The following PTPRD variants were observed in gnomAD, a reference collection of about 807,000 sequenced individuals.
PTPRD encodes protein tyrosine phosphatase receptor type D.
PTPRD carries 34 observed loss-of-function variants against 214.5 expected under a neutral mutation model. The observed-to-expected ratio is 0.16, with a 90% CI of 0.12 to 0.21. PTPRD has a LOEUF of 0.21. Among genes scored for constraint, PTPRD ranks in the 10% least tolerant of loss-of-function variants. PTPRD has a pLI of 1.00. For synonymous variants in PTPRD, 1,128 were observed against 845.7 expected (o/e 1.33, Z -5.79); for missense variants, 2,545 against 2,398.7 (o/e 1.06, Z -1.27).
chr9:9,614,961 A>G (rs1287553985), intron 7 of PTPRD, among the ~76,000 whole-genome samples: 1 of 152,142 alleles, frequency 6.6e-6, no homozygotes, highest in Non-Finnish European at 1.5e-5. Flanking sequence ...AGTGAAGGTG[A>G]TGTTAAGCTT....
chr9:9,160,239 A>G (rs571200757), intron 10 of PTPRD, among the ~76,000 whole-genome samples: 1 of 152,304 alleles, frequency 6.6e-6, no homozygotes, highest in African/African-American at 2.4e-5. Context: ...GAAATTATTA[A>G]CAAAGTGAAG....
chr9:10,210,675 A>G (rs1344899399), intron 3 of PTPRD, among the ~76,000 whole-genome samples: 1 of 149,312 alleles, frequency 6.7e-6, no homozygotes, highest in Non-Finnish European at 1.5e-5. Context: ...ATATATGTAT[A>G]TGTTTATATA....
intron 9 of PTPRD, among the ~76,000 whole-genome samples, chr9:9,265,767 T>G (rs1939200710): frequency 6.8e-6 from 1 of 146,924 alleles, no homozygotes; most frequent in Admixed American, 6.8e-5. Context: ...AATTATCTAA[T>G]CAAAAGGAAA....
At chr9:8,346,961 AT>A (rs2074004695) in intron 39 of PTPRD, among the ~76,000 whole-genome samples, 1 of 152,076 alleles carries the variant, frequency 6.6e-6, no homozygotes, top group Non-Finnish European at 1.5e-5. Flanking sequence ...CTTAGTTAAG[AT>A]GAAAAAGGCA....
At chr9:9,011,250 T>A (rs4742556) in intron 11 of PTPRD, among the ~76,000 whole-genome samples, 123,243 of 151,832 alleles carry the variant, frequency 0.81, 50,344 homozygotes, top group Middle Eastern at 0.93. Flanking sequence ...ATCCCAACAC[T>A]CTCTTTTTTG....
chr9:8,774,253 A>G (rs1182418019), intron 11 of PTPRD, among the ~76,000 whole-genome samples: 7 of 87,310 alleles, frequency 8.0e-5, no homozygotes, highest in Non-Finnish European at 1.2e-4. Context: ...CAACGTCCGG[A>G]TATCTTTTTT....
At chr9:9,780,928 G>C (rs1260697388) in intron 5 of PTPRD, among the ~76,000 whole-genome samples, 1 of 152,202 alleles carries the variant, frequency 6.6e-6, no homozygotes, top group East Asian at 1.9e-4. Flanking sequence ...AAAGAGGCCA[G>C]TCTAGAAAAT....
At chr9:10,226,282 T>C (rs550640421) in intron 3 of PTPRD, among the ~76,000 whole-genome samples, 1 of 152,164 alleles carries the variant, frequency 6.6e-6, no homozygotes, top group Admixed American at 6.5e-5. Flanking sequence ...GGCCACAGCT[T>C]TGCTCTGTTC....
At chr9:9,758,026 G>A (rs1375334182) in intron 6 of PTPRD, among the ~76,000 whole-genome samples, 1 of 151,822 alleles carries the variant, frequency 6.6e-6, no homozygotes, top group Non-Finnish European at 1.5e-5. Flanking sequence ...ATCTGCCGGT[G>A]AGCCTCTCGT....
chr9:10,468,286 G>A (rs975751680), intron 2 of PTPRD, among the ~76,000 whole-genome samples: 2 of 151,360 alleles, frequency 1.3e-5, no homozygotes, highest in African/African-American at 4.9e-5. Context: ...TAAAGACAAT[G>A]TGGCACATCT....
chr9:9,191,253 G>C (rs936967965), intron 9 of PTPRD, among the ~76,000 whole-genome samples: 1 of 152,050 alleles, frequency 6.6e-6, no homozygotes, highest in Non-Finnish European at 1.5e-5. Context: ...TTTCGCTTAC[G>C]ACAGAGACTA....
chr9:8,636,469 T>G (rs1431040014), intron 13 of PTPRD, among the ~76,000 whole-genome samples: 3 of 152,112 alleles, frequency 2.0e-5, no homozygotes, highest in Non-Finnish European at 4.4e-5. Flanking sequence ...AGACTAATCC[T>G]AGGAATACTA....
At chr9:8,364,189 T>G (rs570386347) in intron 39 of PTPRD, among the ~76,000 whole-genome samples, 1 of 152,240 alleles carries the variant, frequency 6.6e-6, no homozygotes, top group African/African-American at 2.4e-5. Flanking sequence ...AAATCCAAAT[T>G]GAGAAATCTG....
chr9:9,312,446 T>C (rs191016992), intron 9 of PTPRD, among the ~76,000 whole-genome samples: 584 of 152,308 alleles, frequency 3.8e-3, no homozygotes, highest in Non-Finnish European at 5.1e-3. Flanking sequence ...TCTTTTAATG[T>C]AGAAGAGAAA....
intron 11 of PTPRD, among the ~76,000 whole-genome samples, chr9:8,841,251 A>G (rs2097551641): frequency 6.6e-6 from 1 of 152,202 alleles, no homozygotes; most frequent in Non-Finnish European, 1.5e-5. Flanking sequence ...TTGAAAAATG[A>G]GTGTCTTCAA....
intron 5 of PTPRD, among the ~76,000 whole-genome samples, chr9:9,884,147 G>A (rs941748808): frequency 1.3e-5 from 2 of 152,094 alleles, no homozygotes; most frequent in South Asian, 2.1e-4. Context: ...TAGCAGTGAA[G>A]TTTATTTTGG....
Position 8,557,765 on chromosome 9 carries a change from A to C in PTPRD, c.353-28986T>G, listed in dbSNP as rs1456868057. ...CTCAATAAAAAAAAAAAAAAAAAAA[A>C]AAGAAAAACAAAATACACACACACA... On this transcript the variant is annotated intron_variant, in intron 14 of 45. Coordinates refer to ENST00000381196, the MANE Select transcript of PTPRD (RefSeq NM_002839.4). Among the ~76,000 whole-genome samples the C allele has an allele frequency of 1.5e-3, 202 of 133,690 alleles. 3 individuals carry two copies. Among genetic ancestry groups the C allele is most frequent in the African/African-American group, 6.3e-3 (186 of 29,506 alleles). 87.7% of individuals were successfully genotyped at this position (133,690 alleles called of 152,430 possible). A position where few individuals can be genotyped will look rare whatever the true frequency, so the allele number is the denominator to read the frequency against.
chr9:9,889,185 A>T (rs1345948967), intron 5 of PTPRD, among the ~76,000 whole-genome samples: 2 of 152,018 alleles, frequency 1.3e-5, no homozygotes, highest in Non-Finnish European at 2.9e-5. Flanking sequence ...CAGGAGGAGA[A>T]TTATTTATTG....
At chr9:9,079,939 T>C (rs2099756661) in intron 10 of PTPRD, among the ~76,000 whole-genome samples, 1 of 152,082 alleles carries the variant, frequency 6.6e-6, no homozygotes, top group African/African-American at 2.4e-5. Context: ...TGATGTTTAA[T>C]ATTTAAGTGT....
Sources: gnomAD v4.1 joint callset for allele counts (sites outside exome capture counted in the v4.1 genomes callset) on GRCh38, gnomAD v4.1.1 for gene constraint, MANE v1.5 for transcripts, NCBI Gene and HGNC (gene_info 2026-07-23, HGNC 2026-07-21) for gene names.